SLC2A5: variants seen among roughly 807,000 people sequenced by gnomAD.
SLC2A5 encodes the protein solute carrier family 2, facilitated glucose transporter member 5.
A neutral mutation model predicts 50.3 loss-of-function variants in SLC2A5; 56 were observed. The observed-to-expected ratio is 1.11, with a 90% CI of 0.90 to 1.39. SLC2A5 has a LOEUF of 1.39. Among genes scored for constraint, SLC2A5 ranks in the 40% most tolerant of loss-of-function variants. The pLI is 0.00. For missense variants in SLC2A5, 566 were observed against 650.1 expected (o/e 0.87, Z 1.41); for synonymous variants, 269 against 281.9 (o/e 0.95, Z 0.46).
upstream of SLC2A5, among the ~76,000 whole-genome samples, chr1:9,090,587 C>T (rs547612685): frequency 3.9e-5 from 6 of 152,336 alleles, no homozygotes; most frequent in South Asian, 1.2e-3. Context: ...TTGTCCCCAA[C>T]CCCTATAACC....
At chr1:9,043,153 T>A (rs978912599) in intron 4 of SLC2A5, among the ~76,000 whole-genome samples, 3 of 152,152 alleles carry the variant, frequency 2.0e-5, no homozygotes, top group African/African-American at 7.2e-5. Flanking sequence ...AGGTACCAAA[T>A]CCTGAGTCAA....
intron 1 of SLC2A5, among the ~76,000 whole-genome samples, chr1:9,059,021 A>G (rs991401027): frequency 6.6e-6 from 1 of 151,506 alleles, no homozygotes; most frequent in Non-Finnish European, 1.5e-5. Flanking sequence ...ATTAATTACG[A>G]CCATGTCTAG....
intron 2 of SLC2A5, among the ~76,000 whole-genome samples, chr1:9,083,458 G>C (rs1642373463): frequency 6.6e-6 from 1 of 152,220 alleles, no homozygotes; most frequent in Non-Finnish European, 1.5e-5. Context: ...AGCTGGCTAA[G>C]GCCGACTGGA....
At chr1:9,082,215 T>C (rs1642362682) in intron 2 of SLC2A5, among the ~76,000 whole-genome samples, 1 of 152,172 alleles carries the variant, frequency 6.6e-6, no homozygotes, top group Admixed American at 6.5e-5. Flanking sequence ...AAGTTAAACA[T>C]AGAATTACCA....
rs1641311858 is a variant in SLC2A5 at position 9,041,844 on chromosome 1, G to A, written c.512C>T (p.Thr171Ile). Residue 171 changes from threonine to isoleucine, a missense_variant, in exon 5 of 12, where the codon ACT (threonine) becomes ATT (isoleucine). Transcript: ENST00000377424. The part of the protein sequence containing the change: ...ALGVVPQLFI[T>I]VGILVAQIFG... ...GATCTGGGCCACAAGGATGCCAACA[G>A]TGATGAAGAGCTGGGGCACCACCCC... 2 of 1,614,094 alleles carry A rather than the reference G, an allele frequency of 1.2e-6. No homozygotes were observed. The highest frequency in any genetic ancestry group is 1.6e-4 in the Middle Eastern group (1 of 6,062).
chr1:9,060,145 T>TACACACTGCATACTAC (rs1641885265), intron 1 of SLC2A5, among the ~76,000 whole-genome samples: 2 of 134,996 alleles, frequency 1.5e-5, no homozygotes, highest in Admixed American at 7.2e-5. Context: ...ACACACTACA[T>TACACACTGCATACTAC]ACACACTACA....
At chr1:9,062,768 A>G (rs1641978208) in intron 1 of SLC2A5, among the ~76,000 whole-genome samples, 1 of 152,066 alleles carries the variant, frequency 6.6e-6, no homozygotes, top group Non-Finnish European at 1.5e-5. Flanking sequence ...GCTAGTAGGG[A>G]GGCTAAGGCA....
intron 1 of SLC2A5, among the ~76,000 whole-genome samples, chr1:9,086,962 A>T (rs1642407192): frequency 2.0e-5 from 3 of 152,176 alleles, no homozygotes; most frequent in South Asian, 4.1e-4. Flanking sequence ...GACCAGAAAC[A>T]TGCCAACCCC....
At chr1:9,055,572 C>T (rs1641730094) in intron 3 of SLC2A5, among the ~76,000 whole-genome samples, 1 of 151,708 alleles carries the variant, frequency 6.6e-6, no homozygotes, top group Non-Finnish European at 1.5e-5. Context: ...TAAACACAGT[C>T]AGGACAGTGC....
upstream of SLC2A5, among the ~76,000 whole-genome samples, chr1:9,090,661 T>G (rs376241556): frequency 6.6e-6 from 1 of 152,208 alleles, no homozygotes; most frequent in Admixed American, 6.5e-5. Context: ...GATGCCTTTT[T>G]TACTATCCCT....
intron 3 of SLC2A5, among the ~76,000 whole-genome samples, chr1:9,056,428 G>GC (rs1288713895): frequency 6.6e-6 from 1 of 151,772 alleles, no homozygotes; most frequent in Non-Finnish European, 1.5e-5. Context: ...CAGGTGATCC[G>GC]CCCGCCTCTG....
At chr1:9,057,638 A>G in intron 2 of SLC2A5, 30 bp from the exon 3 acceptor site, 1 of 1,599,510 alleles carries the variant, frequency 6.3e-7, no homozygotes, top group Non-Finnish European at 8.5e-7. Context: ...AGAACACCAA[A>G]ATAATTTGAT....
intron 3 of SLC2A5, among the ~76,000 whole-genome samples, chr1:9,053,196 TTA>T (rs1641638017): frequency 2.1e-5 from 2 of 94,742 alleles, no homozygotes; most frequent in Non-Finnish European, 3.7e-5. Context: ...TATTATATAT[TTA>T]TATATTATAT....
intron 1 of SLC2A5, among the ~76,000 whole-genome samples, chr1:9,061,518 A>C (rs1448692967): frequency 6.7e-6 from 1 of 149,724 alleles, no homozygotes; most frequent in Non-Finnish European, 1.5e-5. Context: ...AGGTGGGAGG[A>C]TCACTTGAGC....
intron 1 of SLC2A5, among the ~76,000 whole-genome samples, chr1:9,061,159 G>A (rs1259016433): frequency 1.3e-5 from 2 of 151,202 alleles, no homozygotes; most frequent in African/African-American, 4.9e-5. Context: ...ATGTGCACCT[G>A]TAATCCCAAC....
intron 2 of SLC2A5, among the ~76,000 whole-genome samples, chr1:9,079,547 G>A (rs1221009192): frequency 2.0e-5 from 3 of 152,242 alleles, no homozygotes; most frequent in South Asian, 2.1e-4. Flanking sequence ...GTACAGTGGC[G>A]TGATCTTGGC....
At chr1:9,059,365 A>T (rs139095453) in intron 1 of SLC2A5, among the ~76,000 whole-genome samples, 4 of 150,632 alleles carry the variant, frequency 2.7e-5, no homozygotes, top group Admixed American at 6.6e-5. Flanking sequence ...GGATGGTCTC[A>T]ATCTCCTGAC....
chr1:9,072,512 C>T (rs1230778721), upstream of SLC2A5: 1 of 152,186 alleles, frequency 6.6e-6, no homozygotes, highest in Non-Finnish European at 1.5e-5. Context: ...TGCCGTAGCC[C>T]AGGTGAAAGA....
chr1:9,077,236 C>T (rs947816513), intron 2 of SLC2A5, among the ~76,000 whole-genome samples: 7 of 149,912 alleles, frequency 4.7e-5, no homozygotes, highest in African/African-American at 1.7e-4. Context: ...ACCGTCTCTA[C>T]AAAAATACAA....
Sources: gnomAD v4.1 joint callset for allele counts (sites outside exome capture counted in the v4.1 genomes callset) on GRCh38, gnomAD v4.1.1 for gene constraint, MANE v1.5 for transcripts, NCBI Gene and HGNC (gene_info 2026-07-23, HGNC 2026-07-21) for gene names.